TTC7A: variants seen among roughly 807,000 people sequenced by gnomAD.
TTC7A encodes tetratricopeptide repeat protein 7A.
A neutral mutation model predicts 103.7 loss-of-function variants in TTC7A; 110 were observed. That is an observed-to-expected ratio of 1.06 (90% confidence interval 0.91 to 1.24). TTC7A has a LOEUF of 1.24. TTC7A is among the 50% of genes most tolerant of loss of function. TTC7A has a pLI of 0.00. For missense variants in TTC7A, 1,340 were observed against 1,116.3 expected (o/e 1.20, Z -2.86); for synonymous variants, 521 against 467.9 (o/e 1.11, Z -1.47).
intron 16 of TTC7A, among the ~76,000 whole-genome samples, chr2:47,049,337 A>C (rs1682631729): frequency 6.6e-6 from 1 of 151,940 alleles, no homozygotes; most frequent in African/African-American, 2.4e-5. Context: ...ACTCTGTGAA[A>C]AGAGGAACCC....
At chr2:47,026,667 T>C (rs964918380) in intron 14 of TTC7A, among the ~76,000 whole-genome samples, 21 of 145,584 alleles carry the variant, frequency 1.4e-4, no homozygotes, top group Admixed American at 3.4e-4. Context: ...AGGAAGGTTC[T>C]GTCCTATTCC....
chr2:46,921,176 C>T (rs777759843), intron 2 of TTC7A, among the ~76,000 whole-genome samples: 2 of 151,998 alleles, frequency 1.3e-5, no homozygotes, highest in South Asian at 2.1e-4. Flanking sequence ...AGCTTTAAGC[C>T]GTTAGAGAAC....
Position 47,053,773 on chromosome 2 carries a change from C to T in TTC7A, c.2152+1893C>T, listed in dbSNP as rs539436176. Among the ~76,000 whole-genome samples, 9 of 152,320 alleles carry T rather than the reference C, an allele frequency of 5.9e-5. No homozygotes were observed. The South Asian group carries it at 1.0e-3, about 18-fold the overall frequency. On this transcript the variant is annotated intron_variant, in intron 18 of 19. Coordinates refer to ENST00000319190, the MANE Select transcript of TTC7A (RefSeq NM_020458.4). ...TATTTTTAGTACAGACAGGGTTTCA[C>T]CATGTTGGCCACACTGGTTTCGAAC...
In TTC7A at chr2:47,040,957, C is replaced by T. The variant is rs112894566; in HGVS notation, c.1803-5358C>T. On this transcript the variant is annotated intron_variant, in intron 15 of 19. Transcript: ENST00000319190. ...TGACCATTGCTCTTCTGGAATGGCT[C>T]TTGTCGGAGGGCATAAATGTTGAAA... Among the ~76,000 whole-genome samples, 1,077 of 152,274 alleles carry T rather than the reference C, an allele frequency of 7.1e-3. 6 individuals carry two copies. The highest frequency in any genetic ancestry group is 0.011 in the Non-Finnish European group (730 of 68,016).
intron 2 of TTC7A, among the ~76,000 whole-genome samples, chr2:46,956,322 T>G (rs1671849219): frequency 6.6e-6 from 1 of 152,172 alleles, no homozygotes; most frequent in South Asian, 2.1e-4. Flanking sequence ...CCTCTGCCAC[T>G]GTAGGGGGAG....
intron 19 of TTC7A, among the ~76,000 whole-genome samples, chr2:47,067,611 C>T (rs1209640733): frequency 6.6e-6 from 1 of 152,186 alleles, no homozygotes; most frequent in East Asian, 1.9e-4. Flanking sequence ...CAGGTTGGAG[C>T]AGGGCCTTCA....
chr2:46,974,343 A>G (rs973652471), intron 3 of TTC7A, among the ~76,000 whole-genome samples: 1 of 152,248 alleles, frequency 6.6e-6, no homozygotes, highest in African/African-American at 2.4e-5. Flanking sequence ...TGCCTTACCT[A>G]CCAGGTGGTC....
intron 16 of TTC7A, among the ~76,000 whole-genome samples, chr2:47,047,074 G>T (rs1240383293): frequency 6.6e-6 from 1 of 152,140 alleles, no homozygotes; most frequent in African/African-American, 2.4e-5. Context: ...GGCTGAATCT[G>T]CAGGAAGTCT....
intron 1 of TTC7A, among the ~76,000 whole-genome samples, chr2:46,944,863 T>C (rs950637275): frequency 6.6e-6 from 1 of 152,192 alleles, no homozygotes; most frequent in Non-Finnish European, 1.5e-5. Context: ...TTTGAAAATA[T>C]AGCCACTGTA....
At chr2:47,060,057 CTG>C (rs1385847619) in intron 18 of TTC7A, among the ~76,000 whole-genome samples, 3 of 152,094 alleles carry the variant, frequency 2.0e-5, no homozygotes, top group African/African-American at 7.2e-5. Context: ...ACTCTGGAGA[CTG>C]AGGTAGGAGG....
At chr2:47,023,339 A>C in intron 12 of TTC7A, 69 bp from the exon 13 acceptor site, 2 of 1,530,692 alleles carry the variant, frequency 1.3e-6, no homozygotes, top group Non-Finnish European at 1.8e-6. Flanking sequence ...TGCTTTGAGG[A>C]TGGTGCAGGG....
At chr2:47,047,468 A>C in intron 16 of TTC7A, 1 of 620,608 alleles carries the variant, frequency 1.6e-6, no homozygotes, top group Non-Finnish European at 2.8e-6. Context: ...ACTTTTCAGA[A>C]TGAGAATTTG....
chr2:46,937,789 G>C (rs955750098), upstream of TTC7A, among the ~76,000 whole-genome samples: 1 of 152,200 alleles, frequency 6.6e-6, no homozygotes, highest in Non-Finnish European at 1.5e-5. The surrounding 1 kb of genome is among the most constrained non-coding windows in gnomAD (Gnocchi z 4.0). Flanking sequence ...AGGGGTTTGG[G>C]GAAGCTGTGA....
chr2:46,991,996 C>G (rs1481119882), intron 5 of TTC7A, among the ~76,000 whole-genome samples: 1 of 152,214 alleles, frequency 6.6e-6, no homozygotes, highest in African/African-American at 2.4e-5. Flanking sequence ...TTTCATGGCT[C>G]CCAGGCCCCA....
At position 47,007,838 on chromosome 2, in the gene TTC7A, C is replaced by CA. The variant is rs1166730382; in HGVS notation, c.1287+1115dup. Reference sequence around the variant, plus strand: ...CACCTCACAGAGCATCTTGAAGTCACAGCATGATCTCCTTGGCTCTGTGCT... The same window carrying CA: ...CACCTCACAGAGCATCTTGAAGTCACAAGCATGATCTCCTTGGCTCTGTGCT... On this transcript the variant is annotated intron_variant, in intron 10 of 19. Coordinates refer to ENST00000319190, the MANE Select transcript of TTC7A (RefSeq NM_020458.4). This position sits in a 1 kb window ranked among gnomAD's most constrained non-coding sequence, Gnocchi z 4.9. Among the ~76,000 whole-genome samples, 1 of 152,244 alleles carries CA rather than the reference C, an allele frequency of 6.6e-6. No homozygotes were observed. Among genetic ancestry groups the CA allele is most frequent in the Non-Finnish European group, 1.5e-5 (1 of 68,038 alleles).
At chr2:47,060,691 C>G in intron 18 of TTC7A, 78 bp from the exon 19 acceptor site, 1 of 1,395,114 alleles carries the variant, frequency 7.2e-7, no homozygotes. Context: ...TTCCCTGGCT[C>G]TGAGGATGCA....
chr2:47,043,705 G>A (rs947488903), intron 15 of TTC7A, among the ~76,000 whole-genome samples: 1 of 152,190 alleles, frequency 6.6e-6, no homozygotes, highest in African/African-American at 2.4e-5. Context: ...ATCCTGGAGT[G>A]AAAGATCAGA....
At chr2:47,015,228 GGAAA>G (rs1196329597) in intron 11 of TTC7A, among the ~76,000 whole-genome samples, 1 of 152,228 alleles carries the variant, frequency 6.6e-6, no homozygotes, top group Non-Finnish European at 1.5e-5. Flanking sequence ...TGCAGCAGAA[GGAAA>G]GAGAGATGTA....
intron 2 of TTC7A, among the ~76,000 whole-genome samples, chr2:46,928,121 G>T (rs139321324): frequency 6.6e-6 from 1 of 151,254 alleles, no homozygotes; most frequent in Admixed American, 6.6e-5. Flanking sequence ...CTAACTCCTC[G>T]GCTCAGGTGA....
Sources: allele counts gnomAD v4.1 joint callset (sites outside exome capture counted in the v4.1 genomes callset), GRCh38; gene constraint gnomAD v4.1.1; non-coding constraint Gnocchi (gnomAD v3.1); transcripts MANE v1.5; gene names NCBI Gene and HGNC (gene_info 2026-07-23, HGNC 2026-07-21).